EXOC4: variants seen among roughly 807,000 people sequenced by gnomAD.
EXOC4 encodes the protein exocyst complex component 4.
A neutral mutation model predicts 107.2 loss-of-function variants in EXOC4; 71 were observed. The observed-to-expected ratio is 0.66, with a 90% CI of 0.55 to 0.81. EXOC4 has a LOEUF of 0.81. Among genes scored for constraint, EXOC4 ranks in the 30% least tolerant of loss-of-function variants. The pLI, the probability that EXOC4 is intolerant of heterozygous loss-of-function variation, is 0.00. For missense variants in EXOC4, 1,108 were observed against 1,189.6 expected, an observed-to-expected ratio of 0.93 and a Z score of 1.01; for synonymous variants, 456 against 441.2, an observed-to-expected ratio of 1.03 and a Z score of -0.42.
At chr7:133,819,184 C>T (rs575509511) in intron 11 of EXOC4, among the ~76,000 whole-genome samples, 1 of 152,168 alleles carries the variant, frequency 6.6e-6, no homozygotes, top group East Asian at 1.9e-4. Flanking sequence ...CTGGATGCCT[C>T]AGTATCCCTT....
intron 15 of EXOC4, among the ~76,000 whole-genome samples, chr7:134,004,021 G>A (rs1473609458): frequency 2.6e-5 from 4 of 152,172 alleles, no homozygotes; most frequent in Middle Eastern, 3.4e-3. Flanking sequence ...CTTCTGTCAG[G>A]ACCCTTTCCT....
At chr7:133,297,337 G>T (rs866836376) in intron 3 of EXOC4, among the ~76,000 whole-genome samples, 17 of 152,098 alleles carry the variant, frequency 1.1e-4, no homozygotes, top group South Asian at 8.3e-4. Context: ...TCATTTTGTT[G>T]CTCTGATTTG....
chr7:134,097,010 G>GA, the EXOC4 span, among the ~76,000 whole-genome samples: 5 of 150,998 alleles, frequency 3.3e-5, no homozygotes, highest in Middle Eastern at 3.4e-3. Flanking sequence ...TTTTTTTACA[G>GA]AAAAAAATAT....
At chr7:133,717,944 AC>A (rs1184509329) in intron 10 of EXOC4, among the ~76,000 whole-genome samples, 5 of 152,282 alleles carry the variant, frequency 3.3e-5, no homozygotes, top group Admixed American at 3.3e-4. Flanking sequence ...AGAATCAGGG[AC>A]TTCTTCACAG....
intron 9 of EXOC4, among the ~76,000 whole-genome samples, chr7:133,529,794 T>G (rs1270350469): frequency 2.0e-5 from 3 of 152,206 alleles, no homozygotes; most frequent in African/African-American, 7.2e-5. Flanking sequence ...CACTTTTATC[T>G]GGAGATTCAG....
intron 1 of EXOC4, among the ~76,000 whole-genome samples, chr7:133,255,083 TTTA>T (rs1412426132): frequency 6.6e-6 from 1 of 152,098 alleles, no homozygotes; most frequent in Non-Finnish European, 1.5e-5. Context: ...CTTATGCCAG[TTTA>T]TTAATATATG....
chr7:133,388,856 A>G (rs982242848), intron 7 of EXOC4, among the ~76,000 whole-genome samples: 2 of 152,124 alleles, frequency 1.3e-5, no homozygotes, highest in Admixed American at 1.3e-4. Context: ...TTTTATTTTT[A>G]TCCCTTGAAA....
chr7:133,696,290 C>T (rs1794531910), intron 10 of EXOC4, among the ~76,000 whole-genome samples: 1 of 152,174 alleles, frequency 6.6e-6, no homozygotes, highest in South Asian at 2.1e-4. Flanking sequence ...CCCAGCTGAC[C>T]ACCAACAGAC....
intron 11 of EXOC4, among the ~76,000 whole-genome samples, chr7:133,855,968 A>G (rs1278218225): frequency 1.3e-5 from 2 of 152,166 alleles, no homozygotes; most frequent in Admixed American, 1.3e-4. Context: ...CTGAGCCTTG[A>G]TTTTCTTACC....
chr7:133,439,515 A>G (rs1331700523), intron 7 of EXOC4, among the ~76,000 whole-genome samples: 1 of 152,086 alleles, frequency 6.6e-6, no homozygotes, highest in Non-Finnish European at 1.5e-5. Context: ...ATCATCACTT[A>G]TCAGACCCCT....
chr7:134,059,466 A>G (rs1563108423), intron 17 of EXOC4, among the ~76,000 whole-genome samples: 1 of 152,220 alleles, frequency 6.6e-6, no homozygotes, highest in Non-Finnish European at 1.5e-5. Context: ...CATACATTAA[A>G]AACAAATAAG....
chr7:133,547,519 C>T (rs182748994), intron 9 of EXOC4, among the ~76,000 whole-genome samples: 1 of 152,176 alleles, frequency 6.6e-6, no homozygotes, highest in Non-Finnish European at 1.5e-5. Flanking sequence ...GCATGCCATG[C>T]TGTTTGATAG....
At chr7:133,665,407 A>G (rs149124057) in intron 10 of EXOC4, among the ~76,000 whole-genome samples, 1 of 152,284 alleles carries the variant, frequency 6.6e-6, no homozygotes, top group East Asian at 1.9e-4. Flanking sequence ...AGACCAGTTG[A>G]TTTGTAGACT....
At chr7:133,555,573 C>G (rs1322127048) in intron 9 of EXOC4, among the ~76,000 whole-genome samples, 1 of 152,114 alleles carries the variant, frequency 6.6e-6, no homozygotes, top group Non-Finnish European at 1.5e-5. Context: ...ACTTTAGCAT[C>G]TTTTTGCTAT....
At chr7:133,964,674 C>A (rs1306464277) in intron 14 of EXOC4, among the ~76,000 whole-genome samples, 1 of 152,134 alleles carries the variant, frequency 6.6e-6, no homozygotes, top group African/African-American at 2.4e-5. Context: ...TTTTTTATGT[C>A]TGTGTAGTAT....
At chr7:133,347,399 A>G (rs1037086051) in intron 5 of EXOC4, among the ~76,000 whole-genome samples, 1 of 151,990 alleles carries the variant, frequency 6.6e-6, no homozygotes, top group African/African-American at 2.4e-5. Context: ...GTGTGCCACC[A>G]CACCCAGCTA....
intron 9 of EXOC4, among the ~76,000 whole-genome samples, chr7:133,489,389 A>T (rs1799329329): frequency 6.6e-6 from 1 of 152,224 alleles, no homozygotes; most frequent in Non-Finnish European, 1.5e-5. Flanking sequence ...AGACAAAACC[A>T]TGTATGTAGT....
intron 12 of EXOC4, among the ~76,000 whole-genome samples, chr7:133,910,559 A>C (rs142969558): frequency 6.6e-6 from 1 of 151,870 alleles, no homozygotes; most frequent in Non-Finnish European, 1.5e-5. Flanking sequence ...CTCTTTTCCT[A>C]TGTGTGTTGC....
chr7:133,917,515 T>G, intron 12 of EXOC4, 68 bp from the exon 13 acceptor site: 3 of 1,478,060 alleles, frequency 2.0e-6, no homozygotes, highest in Non-Finnish European at 2.8e-6. Flanking sequence ...GCAGCAAAGG[T>G]AGATGAAAAT....
Sources: allele counts gnomAD v4.1 joint callset (sites outside exome capture counted in the v4.1 genomes callset), GRCh38; gene constraint gnomAD v4.1.1; transcripts MANE v1.5; gene names NCBI Gene and HGNC (gene_info 2026-07-23, HGNC 2026-07-21).